Variants in UNC13C observed in about 807,000 individuals in gnomAD.
The protein encoded by UNC13C is protein unc-13 homolog C.
A neutral mutation model predicts 245.4 loss-of-function variants in UNC13C; 174 were observed. The ratio of observed to expected loss-of-function variants is 0.71; its 90% CI spans 0.63 to 0.80. UNC13C has a LOEUF of 0.80. Ranked by LOEUF, UNC13C falls within the 30% of genes least tolerant of loss-of-function variation. The pLI, the probability that UNC13C is intolerant of heterozygous loss-of-function variation, is 0.00. For missense variants in UNC13C, 2,829 were observed against 2,602.9 expected, an observed-to-expected ratio of 1.09 and a Z score of -1.89; for synonymous variants, 992 against 895.1, an observed-to-expected ratio of 1.11 and a Z score of -1.93.
At chr15:54,361,398 A>T (rs1477400950) in intron 17 of UNC13C, among the ~76,000 whole-genome samples, 1 of 152,032 alleles carries the variant, frequency 6.6e-6, no homozygotes, top group Non-Finnish European at 1.5e-5. Flanking sequence ...TTATTTTCCA[A>T]ATTTCATCAG....
intron 4 of UNC13C, among the ~76,000 whole-genome samples, chr15:54,146,148 T>C (rs1320199095): frequency 6.6e-6 from 1 of 152,138 alleles, no homozygotes; most frequent in Admixed American, 6.5e-5. Context: ...ATTTTACTTT[T>C]TCTATAAATA....
chr15:53,910,027 A>G, the UNC13C span, among the ~76,000 whole-genome samples: 1 of 142,734 alleles, frequency 7.0e-6, no homozygotes, highest in Non-Finnish European at 1.6e-5. Flanking sequence ...CTTGGAGCCA[A>G]TGTATTTGTT....
intron 2 of UNC13C, among the ~76,000 whole-genome samples, chr15:54,046,916 A>T (rs1031708553): frequency 6.6e-6 from 1 of 152,052 alleles, no homozygotes; most frequent in African/African-American, 2.4e-5. Context: ...AAAACTAGAC[A>T]TAGTAATTCA....
intron 4 of UNC13C, among the ~76,000 whole-genome samples, chr15:54,209,420 G>GTTT (rs59822971): frequency 6.7e-6 from 1 of 150,066 alleles, no homozygotes; most frequent in Non-Finnish European, 1.5e-5. Context: ...TTGGTTTTTT[G>GTTT]TTTTTTTTTG....
chr15:54,586,797 A>T (rs1472147358), intron 30 of UNC13C, among the ~76,000 whole-genome samples: 1 of 152,246 alleles, frequency 6.6e-6, no homozygotes, highest in Non-Finnish European at 1.5e-5. Flanking sequence ...CCTTGGCTTA[A>T]GGATAAGAAG....
intron 24 of UNC13C, among the ~76,000 whole-genome samples, chr15:54,521,229 G>T (rs74016644): frequency 0.028 from 4,296 of 152,164 alleles, 173 homozygotes; most frequent in African/African-American, 0.095. Context: ...TTAAATTTTG[G>T]CCCCTGGTGA....
rs200018406 is a variant in UNC13C, at chr15:54,625,562, T to C, written c.6360-1266T>C. Among the ~76,000 whole-genome samples, 16 of 152,228 alleles carry C rather than the reference T, an allele frequency of 1.1e-4. No individual in the cohort carries two copies. The East Asian group carries it at 3.1e-3, about 29-fold the overall frequency. ...TTCAACAAATATAAATAATCTAACC[T>C]AGGAATGGATACATGGAGAGGTTAA... is the stretch of plus-strand genomic sequence containing the variant. On this transcript the variant is annotated intron_variant, in intron 32 of 32. Transcript: ENST00000260323.
intron 29 of UNC13C, among the ~76,000 whole-genome samples, chr15:54,559,974 G>C (rs1897236270): frequency 6.6e-6 from 1 of 151,924 alleles, no homozygotes; most frequent in Non-Finnish European, 1.5e-5. Context: ...AATATTTTAT[G>C]GGCGGGAAGA....
At chr15:54,275,301 T>G (rs2036803653) in intron 10 of UNC13C, among the ~76,000 whole-genome samples, 1 of 152,216 alleles carries the variant, frequency 6.6e-6, no homozygotes, top group Non-Finnish European at 1.5e-5. Flanking sequence ...ACAGGAGATT[T>G]GTGTTGATAG....
At chr15:54,186,700 A>C (rs1027248147) in intron 4 of UNC13C, among the ~76,000 whole-genome samples, 1 of 151,896 alleles carries the variant, frequency 6.6e-6, no homozygotes, top group Non-Finnish European at 1.5e-5. Flanking sequence ...AGAACAAGTT[A>C]ATATTTCTGA....
At chr15:53,923,328 C>T in the UNC13C span, among the ~76,000 whole-genome samples, 1 of 151,954 alleles carries the variant, frequency 6.6e-6, no homozygotes, top group Non-Finnish European at 1.5e-5. Context: ...AATAGATGCC[C>T]AATAATTATT....
intron 19 of UNC13C, among the ~76,000 whole-genome samples, chr15:54,488,597 GA>G (rs563220119): frequency 5.9e-5 from 9 of 152,084 alleles, no homozygotes; most frequent in African/African-American, 1.9e-4. Context: ...ACACTATACA[GA>G]AAAAAACTCA....
chr15:54,268,398 C>T (rs756080438), intron 10 of UNC13C, among the ~76,000 whole-genome samples: 12 of 152,140 alleles, frequency 7.9e-5, no homozygotes, highest in Non-Finnish European at 1.5e-4. Flanking sequence ...CCAATTCTAA[C>T]ATCTATGTCC....
intron 8 of UNC13C, among the ~76,000 whole-genome samples, chr15:54,259,707 A>G (rs1398503707): frequency 2.0e-5 from 3 of 152,186 alleles, no homozygotes; most frequent in Non-Finnish European, 2.9e-5. Context: ...GATACTCTTT[A>G]TATATTTCTT....
intron 30 of UNC13C, among the ~76,000 whole-genome samples, chr15:54,581,888 A>T (rs535260827): frequency 6.6e-6 from 1 of 152,282 alleles, no homozygotes; most frequent in South Asian, 2.1e-4. Context: ...AAAGAAGTAG[A>T]TTGTCATCAG....
chr15:54,538,133 C>CAAAAAAAAAAAAA (rs56041311), intron 26 of UNC13C, among the ~76,000 whole-genome samples: 3 of 10,248 alleles, frequency 2.9e-4, no homozygotes, highest in Admixed American at 2.6e-3. Context: ...CATTAACAAG[C>CAAAAAAAAAAAAA]AAAAAAAAAA....
chr15:54,502,706 A>G (rs900199081), intron 22 of UNC13C, among the ~76,000 whole-genome samples: 3 of 152,156 alleles, frequency 2.0e-5, no homozygotes, highest in Non-Finnish European at 4.4e-5. Flanking sequence ...GCAGGCTCAT[A>G]TGAGAATTTA....
chr15:54,164,531 G>T (rs2033097479), intron 4 of UNC13C, among the ~76,000 whole-genome samples: 1 of 152,192 alleles, frequency 6.6e-6, no homozygotes, highest in South Asian at 2.1e-4. Flanking sequence ...CAGTAGGACA[G>T]TGCTAAAATT....
At chr15:53,996,216 A>G (rs1315250850) in intron 1 of UNC13C, among the ~76,000 whole-genome samples, 1 of 152,162 alleles carries the variant, frequency 6.6e-6, no homozygotes, top group Non-Finnish European at 1.5e-5. Context: ...TGAAACACGT[A>G]TCTTTTTGAA....
Sources: allele counts gnomAD v4.1 joint callset (sites outside exome capture counted in the v4.1 genomes callset), GRCh38; gene constraint gnomAD v4.1.1; transcripts MANE v1.5; gene names NCBI Gene and HGNC (gene_info 2026-07-23, HGNC 2026-07-21).